Variants in LARGE1 observed in about 807,000 individuals in gnomAD.
LARGE1 encodes LARGE xylosyl- and glucuronyltransferase 1.
In LARGE1, 43 loss-of-function variants were observed where a neutral mutation model predicts 87.6. The ratio of observed to expected loss-of-function variants is 0.49; its 90% confidence interval spans 0.38 to 0.63. LARGE1 has a LOEUF of 0.63. Ranked by LOEUF, LARGE1 falls within the 30% of genes least tolerant of loss-of-function variation. The pLI is 0.00. For synonymous variants in LARGE1, 434 were observed against 394.6 expected (o/e 1.10, Z -1.18); for missense variants, 802 against 1,000.2 (o/e 0.80, Z 2.67).
chr22:33,269,558 GA>G (rs1928133745), downstream of LARGE1, among the ~76,000 whole-genome samples: 2 of 152,192 alleles, frequency 1.3e-5, no homozygotes, highest in South Asian at 4.2e-4. Context: ...ACTTACCCAG[GA>G]ATCTGTCAAA....
chr22:33,497,839 G>C (rs1569214452), intron 6 of LARGE1, among the ~76,000 whole-genome samples: 1 of 152,128 alleles, frequency 6.6e-6, no homozygotes, highest in Non-Finnish European at 1.5e-5. Flanking sequence ...CATCTACACT[G>C]TACAAAGCAA....
intron 6 of LARGE1, among the ~76,000 whole-genome samples, chr22:33,455,556 C>A (rs1180810594): frequency 2.0e-5 from 3 of 151,916 alleles, no homozygotes; most frequent in Non-Finnish European, 2.9e-5. Context: ...AGTTCAAGAC[C>A]AGCATGGCCA....
At chr22:33,371,680 T>C (rs149585142) in intron 9 of LARGE1, among the ~76,000 whole-genome samples, 120 of 152,254 alleles carry the variant, frequency 7.9e-4, no homozygotes, top group African/African-American at 2.7e-3. Flanking sequence ...GTAAATTAGG[T>C]AAATGTAAAT....
At chr22:33,745,642 C>A (rs1345938035) in intron 2 of LARGE1, among the ~76,000 whole-genome samples, 1 of 152,146 alleles carries the variant, frequency 6.6e-6, no homozygotes, top group South Asian at 2.1e-4. Context: ...GGCGAGGGCC[C>A]GGTTCTCGCT....
At chr22:33,920,754 G>A (rs1412570675), upstream of LARGE1, among the ~76,000 whole-genome samples, 1 of 122,770 alleles carries the variant, frequency 8.1e-6, no homozygotes, top group Non-Finnish European at 1.8e-5. Flanking sequence ...GCCGGCCTTG[G>A]CCGCCGCCGC....
In LARGE1 at chr22:33,284,547, T is replaced by A. The variant is rs1295022032; in HGVS notation, c.1731-1199A>T. On this transcript the variant is annotated intron_variant, in intron 12 of 14. Transcript: ENST00000397394. ...AGGGAGAAAGGCTCATGGAGAGCCA[T>A]CCACGGCCAAGCATTTAGTGCCATA... is the stretch of plus-strand genomic sequence containing the variant. Among the ~76,000 whole-genome samples, 3 of 151,718 alleles carry A rather than the reference T, an allele frequency of 2.0e-5. No individual in the cohort carries two copies. In the South Asian group the frequency reaches 6.2e-4, roughly 32 times the overall value.
intron 1 of LARGE1, among the ~76,000 whole-genome samples, chr22:33,886,238 T>A (rs891497765): frequency 6.6e-6 from 1 of 152,118 alleles, no homozygotes; most frequent in African/African-American, 2.4e-5. Flanking sequence ...CTCCTACACT[T>A]GGGGACTCAG....
At chr22:33,370,918 TATAAC>T (rs1166853871) in intron 9 of LARGE1, among the ~76,000 whole-genome samples, 31 of 149,914 alleles carry the variant, frequency 2.1e-4, no homozygotes, top group African/African-American at 7.3e-4. Flanking sequence ...ATAGTATTCA[TATAAC>T]ATAACATGAA....
intron 1 of LARGE1, among the ~76,000 whole-genome samples, chr22:33,879,407 T>C (rs1285671066): frequency 6.6e-6 from 1 of 152,188 alleles, no homozygotes; most frequent in Non-Finnish European, 1.5e-5. Context: ...TGCATCCCCA[T>C]TTGACAGATG....
chr22:33,550,428 A>G (rs1479444032), intron 6 of LARGE1, among the ~76,000 whole-genome samples: 1 of 152,194 alleles, frequency 6.6e-6, no homozygotes, highest in East Asian at 1.9e-4. Context: ...GGGGCATAGG[A>G]TAGAGGGAAG....
chr22:33,831,749 TAC>T (rs5845118), intron 1 of LARGE1, among the ~76,000 whole-genome samples: 35,498 of 146,466 alleles, frequency 0.24, 4,190 homozygotes, highest in East Asian at 0.43. Flanking sequence ...CACATGCATG[TAC>T]ACACACACAC....
At chr22:33,278,886 A>G (rs1012046238) in intron 13 of LARGE1, among the ~76,000 whole-genome samples, 2 of 151,930 alleles carry the variant, frequency 1.3e-5, no homozygotes, top group Non-Finnish European at 2.9e-5. Context: ...CGCCTGGCTA[A>G]TTTTTGTATT....
intron 2 of LARGE1, among the ~76,000 whole-genome samples, chr22:33,676,725 A>C (rs929025753): frequency 2.6e-5 from 4 of 152,190 alleles, no homozygotes; most frequent in Non-Finnish European, 4.4e-5. Flanking sequence ...TAAATACTAA[A>C]TATTTTAGAC....
At chr22:33,879,213 G>A (rs1243068729) in intron 1 of LARGE1, among the ~76,000 whole-genome samples, 2 of 152,148 alleles carry the variant, frequency 1.3e-5, no homozygotes, top group Non-Finnish European at 2.9e-5. Flanking sequence ...TGATCTGCCC[G>A]CCTCGGCCTC....
upstream of LARGE1, among the ~76,000 whole-genome samples, chr22:33,920,964 C>T (rs1023256935): frequency 1.3e-4 from 19 of 149,402 alleles, no homozygotes; most frequent in African/African-American, 3.9e-4. Flanking sequence ...GCCCCGCCGC[C>T]TCCGCGTGCC....
At chr22:33,622,687 C>T (rs748857338) in intron 4 of LARGE1, among the ~76,000 whole-genome samples, 1 of 152,190 alleles carries the variant, frequency 6.6e-6, no homozygotes, top group Non-Finnish European at 1.5e-5. Context: ...ATATGTAAGC[C>T]CCCAGTTAAA....
chr22:33,343,467 T>C (rs1320179822), intron 9 of LARGE1, among the ~76,000 whole-genome samples: 2 of 152,164 alleles, frequency 1.3e-5, no homozygotes, highest in African/African-American at 4.8e-5. Flanking sequence ...ATATATATGA[T>C]ATTAAATACA....
chr22:33,337,666 C>T lies in LARGE1; in HGVS notation c.1267G>A (p.Ala423Thr), dbSNP rs756772231. 1.2e-6 allele frequency: 2 copies of T among 1,614,128 alleles called. No individual in the cohort carries two copies. The highest frequency in any genetic ancestry group is 1.3e-5 in the African/African-American group (1 of 75,036). Residue 423 changes from alanine to threonine, a missense_variant, in exon 10 of 15, where the codon GCT becomes ACT. Physicochemically the swap from Ala to Thr is moderately conservative, Grantham distance 58 (BLOSUM62 0). Transcript: ENST00000397394. ...CTTACGTTTTCACTGTTGACATCAG[C>T]CTCACTGGGGCAGCCAAACAGTTCC... ...RRELFGCPSE[A>T]DVNSENLQKQ... is the part of the protein sequence containing the mutation.
chr22:33,814,645 C>T (rs938452687), intron 1 of LARGE1, among the ~76,000 whole-genome samples: 4 of 152,124 alleles, frequency 2.6e-5, no homozygotes, highest in African/African-American at 9.7e-5. Flanking sequence ...CCCAAGAGTC[C>T]AGCCTGCCAG....
Sources: allele counts gnomAD v4.1 joint callset (sites outside exome capture counted in the v4.1 genomes callset), GRCh38; gene constraint gnomAD v4.1.1; transcripts MANE v1.5; gene names NCBI Gene and HGNC (gene_info 2026-07-23, HGNC 2026-07-21).